FGGY: variants seen among roughly 807,000 people sequenced by gnomAD.
The protein encoded by FGGY is FGGY carbohydrate kinase domain-containing protein.
Under a neutral mutation model 71.3 loss-of-function variants are expected in FGGY, and 72 were observed. The observed-to-expected ratio is 1.01, with a 90% CI of 0.84 to 1.23. The LOEUF is 1.23. Ranked by LOEUF, FGGY falls within the 50% of genes most tolerant of loss-of-function variation. The probability of loss-of-function intolerance (pLI) is 0.00; values close to 1 mark genes in which losing one functional copy is unlikely to be tolerated. For missense variants in FGGY, 668 were observed against 682.3 expected (o/e 0.98, Z 0.23); for synonymous variants, 251 against 250.3 (o/e 1.00, Z -0.02).
At chr1:59,594,219 T>C (rs1281230008) in intron 8 of FGGY, among the ~76,000 whole-genome samples, 1 of 152,202 alleles carries the variant, frequency 6.6e-6, no homozygotes, top group Admixed American at 6.5e-5. Context: ...TTGTTGTTTG[T>C]ATCTTACCAG....
chr1:59,390,695 A>G (rs918374072), intron 5 of FGGY, among the ~76,000 whole-genome samples: 17 of 151,856 alleles, frequency 1.1e-4, no homozygotes, highest in African/African-American at 3.9e-4. Flanking sequence ...CTTACTAAAT[A>G]AAAAGGGAGA....
rs562693813 is a variant in FGGY, at chr1:59,321,448, C to G, written c.-14-88C>G. 120 of 1,222,436 alleles carry G rather than the reference C, an allele frequency of 9.8e-5. No homozygotes were observed. The African/African-American group carries it at 1.7e-3, about 17-fold the overall frequency. 75.7% of individuals were successfully genotyped at this position (1,222,436 alleles called of 1,614,324 possible). On this transcript the variant is annotated intron_variant, in intron 1 of 15. Transcript: ENST00000303721. Reference sequence around the variant, plus strand: ...ATGGCTACCGGTTAGGTAGCGGTACCTCTTTTATTTCTACTTTTGAGATGT... The same window carrying G: ...ATGGCTACCGGTTAGGTAGCGGTACGTCTTTTATTTCTACTTTTGAGATGT...
At chr1:59,426,339 G>A (rs1393073305) in intron 5 of FGGY, among the ~76,000 whole-genome samples, 1 of 152,108 alleles carries the variant, frequency 6.6e-6, no homozygotes, top group Non-Finnish European at 1.5e-5. Flanking sequence ...GAGGGTCCTG[G>A]AAGGCTTGTC....
At chr1:59,611,954 G>T (rs1358921983) in intron 9 of FGGY, among the ~76,000 whole-genome samples, 8 of 152,148 alleles carry the variant, frequency 5.3e-5, no homozygotes, top group Admixed American at 5.2e-4. Context: ...AGAGAAAAAA[G>T]AATAAAAAGA....
At chr1:59,435,745 CGTGTGTGTGTGTGTGT>C (rs10563712) in intron 5 of FGGY, among the ~76,000 whole-genome samples, 44 of 142,352 alleles carry the variant, frequency 3.1e-4, no homozygotes, top group Admixed American at 1.6e-3. Flanking sequence ...TGTGTGCCTG[CGTGTGTGTGTGTGTGT>C]GTGTGTGTGT....
chr1:59,742,821 T>C (rs938902700), intron 14 of FGGY, among the ~76,000 whole-genome samples: 1 of 152,248 alleles, frequency 6.6e-6, no homozygotes, highest in African/African-American at 2.4e-5. Flanking sequence ...AAATTACATT[T>C]CATGTCTCTT....
chr1:59,518,414 G>T (rs2094723703), intron 7 of FGGY, among the ~76,000 whole-genome samples: 1 of 152,172 alleles, frequency 6.6e-6, no homozygotes, highest in African/African-American at 2.4e-5. Flanking sequence ...GATGGATAAA[G>T]AAATATACTT....
intron 6 of FGGY, among the ~76,000 whole-genome samples, chr1:59,468,196 C>A (rs1373010939): frequency 2.0e-5 from 3 of 152,164 alleles, no homozygotes; most frequent in African/African-American, 4.8e-5. Context: ...AGTCACCGCG[C>A]CCGACTGGCT....
chr1:59,305,000 C>T (rs2043244062), intron 1 of FGGY, among the ~76,000 whole-genome samples: 1 of 152,204 alleles, frequency 6.6e-6, no homozygotes, highest in East Asian at 1.9e-4. Context: ...ATCATGTCAT[C>T]TGTAAACAGA....
Position 59,633,232 on chromosome 1 carries a change from G to T in FGGY, c.1074-4996G>T, listed in dbSNP as rs574510776. Among the ~76,000 whole-genome samples, 4 of 152,134 alleles carry T rather than the reference G, an allele frequency of 2.6e-5. No homozygotes were observed. The South Asian group carries it at 6.2e-4, about 24-fold the overall frequency. ...TCACCGTGTTAGCCAGGATGGTCTC[G>T]ATCTCCTGACCTCGTGGTCTGCCCG... On this transcript the variant is annotated intron_variant, in intron 10 of 15. Transcript: ENST00000303721.
chr1:59,678,636 G>T (rs1366143275), intron 14 of FGGY, among the ~76,000 whole-genome samples: 1 of 152,158 alleles, frequency 6.6e-6, no homozygotes, highest in African/African-American at 2.4e-5. Context: ...GTTTCCTTCA[G>T]GCCCCCTGCA....
rs575253950 is a variant in FGGY, at chr1:59,639,533, G to T, written c.1221+1158G>T. Among the ~76,000 whole-genome samples, 24 of 152,260 alleles carry T rather than the reference G, an allele frequency of 1.6e-4. No individual in the cohort carries two copies. In the South Asian group the frequency reaches 4.6e-3, roughly 29 times the overall value. On this transcript the variant is annotated intron_variant, in intron 11 of 15. Transcript: ENST00000303721. ...AGAGAGGGCCATGTGGCAACAGACCGCAACTAGAAAGTCATACTTTCAGAT... is the reference window on the plus strand; with the variant it reads ...AGAGAGGGCCATGTGGCAACAGACCTCAACTAGAAAGTCATACTTTCAGAT...
chr1:59,692,639 A>T (rs933241318), intron 14 of FGGY, among the ~76,000 whole-genome samples: 3 of 152,058 alleles, frequency 2.0e-5, no homozygotes, highest in African/African-American at 7.2e-5. Flanking sequence ...GAGGACAAAA[A>T]AAAAAAAAAA....
chr1:59,607,762 G>A (rs1391145079), intron 8 of FGGY, 41 bp from the exon 9 acceptor site: 8 of 1,511,572 alleles, frequency 5.3e-6, no homozygotes, highest in Non-Finnish European at 7.3e-6. Context: ...CCCTACCCCT[G>A]AGAGTCAATG....
intron 5 of FGGY, among the ~76,000 whole-genome samples, chr1:59,397,036 CTT>C (rs59388353): frequency 5.1e-4 from 73 of 142,770 alleles, no homozygotes; most frequent in African/African-American, 1.5e-3. Flanking sequence ...CTTGAGTCTG[CTT>C]TTTTTTTTTT....
chr1:59,507,518 ATTT>A (rs2094417452), intron 6 of FGGY, among the ~76,000 whole-genome samples: 1 of 151,096 alleles, frequency 6.6e-6, no homozygotes, highest in South Asian at 2.1e-4. Flanking sequence ...CTTCTTTTTT[ATTT>A]ATTTATTTTT....
At chr1:59,677,084 G>A (rs1018707828) in intron 14 of FGGY, among the ~76,000 whole-genome samples, 1 of 152,198 alleles carries the variant, frequency 6.6e-6, no homozygotes, top group African/African-American at 2.4e-5. Flanking sequence ...ATTTGGAACT[G>A]CTTTGGAAAT....
At chr1:59,641,489 AG>A in intron 11 of FGGY, 1 of 662,038 alleles carries the variant, frequency 1.5e-6, no homozygotes, top group Non-Finnish European at 2.6e-6. Flanking sequence ...ACATAAAAGT[AG>A]GGGAGGTAAT....
At chr1:59,586,012 A>C (rs2096279386) in intron 8 of FGGY, among the ~76,000 whole-genome samples, 1 of 152,192 alleles carries the variant, frequency 6.6e-6, no homozygotes. Flanking sequence ...AGGAAACAAC[A>C]GATGCTGGAG....
Sources: gnomAD v4.1 joint callset for allele counts (sites outside exome capture counted in the v4.1 genomes callset) on GRCh38, gnomAD v4.1.1 for gene constraint, MANE v1.5 for transcripts, NCBI Gene and HGNC (gene_info 2026-07-23, HGNC 2026-07-21) for gene names.